MVK: variants seen among roughly 807,000 people sequenced by gnomAD.
MVK encodes LH receptor mRNA-binding protein.
A neutral mutation model predicts 43.2 loss-of-function variants in MVK; 34 were observed. That is an observed-to-expected ratio of 0.79 (90% confidence interval 0.60 to 1.05). The LOEUF (loss-of-function observed/expected upper bound fraction) is 1.05, where lower values mean the gene tolerates loss of function less well. MVK is among the 50% of genes least tolerant of loss of function. The probability of loss-of-function intolerance (pLI) is 0.00; values close to 1 mark genes in which losing one functional copy is unlikely to be tolerated. For synonymous variants in MVK, 190 were observed against 219.8 expected, an observed-to-expected ratio of 0.86 and a Z score of 1.20; for missense variants, 395 against 504.0, an observed-to-expected ratio of 0.78 and a Z score of 2.07.
chr12:109,576,304 A>T (rs564516469), intron 3 of MVK, among the ~76,000 whole-genome samples, 159 bp downstream of exon 3: 24 of 152,266 alleles, frequency 1.6e-4, no homozygotes, highest in African/African-American at 5.3e-4. Flanking sequence ...TTATTTTTTT[A>T]AAATTTATAG....
intron 9 of MVK, among the ~76,000 whole-genome samples, chr12:109,593,148 CA>C (rs1885754675): frequency 6.6e-6 from 1 of 152,238 alleles, no homozygotes; most frequent in African/African-American, 2.4e-5. Context: ...CCTGCCTCGG[CA>C]ACGTGACACC....
At chr12:109,584,746 G>A (rs536932695) in intron 5 of MVK, among the ~76,000 whole-genome samples, 10 of 152,106 alleles carry the variant, frequency 6.6e-5, no homozygotes, top group Non-Finnish European at 1.3e-4. Flanking sequence ...TTAGCCAGGC[G>A]TGGTGGCAGG....
intron 10 of MVK, 48 bp from the exon 11 acceptor site, chr12:109,596,378 C>T (rs1388003341): frequency 6.3e-7 from 1 of 1,594,124 alleles, no homozygotes; most frequent in Non-Finnish European, 8.5e-7. Flanking sequence ...TGAGCTTCTC[C>T]CACGGAGCGG....
intron 3 of MVK, among the ~76,000 whole-genome samples, chr12:109,577,449 C>T (rs866228264): frequency 3.3e-5 from 5 of 152,264 alleles, no homozygotes; most frequent in Middle Eastern, 3.4e-3. Context: ...TCCCATATGC[C>T]GTATGGGGAT....
intron 5 of MVK, among the ~76,000 whole-genome samples, chr12:109,582,058 G>A (rs1348094808): frequency 2.0e-5 from 3 of 152,200 alleles, no homozygotes; most frequent in Admixed American, 6.5e-5. Flanking sequence ...CTCCTCCTAC[G>A]GGGCCGTCTC....
chr12:109,587,463 C>T (rs1055263386), intron 7 of MVK, among the ~76,000 whole-genome samples: 52 of 152,310 alleles, frequency 3.4e-4, no homozygotes, highest in African/African-American at 1.2e-3. Flanking sequence ...TTTGCACCCA[C>T]GGCAGAATTG....
At chr12:109,579,314 A>G (rs1221143807) in intron 3 of MVK, 1 of 373,584 alleles carries the variant, frequency 2.7e-6, no homozygotes, top group Admixed American at 3.4e-5. Context: ...TAGTTTTTGT[A>G]CTTTCTGTAG....
chr12:109,590,984 G>A, intron 8 of MVK, 123 bp downstream of exon 8: 1 of 1,112,338 alleles, frequency 9.0e-7, no homozygotes, highest in East Asian at 2.6e-5. Flanking sequence ...GGGGCCCTTA[G>A]GGAGGTGGTT....
chr12:109,586,892 C>G, intron 7 of MVK, 93 bp downstream of exon 7: 2 of 1,489,508 alleles, frequency 1.3e-6, no homozygotes, highest in Non-Finnish European at 1.9e-6. Flanking sequence ...CCATAGGAGG[C>G]AGGTGTCCCT....
At chr12:109,587,431 G>T (rs1885486744) in intron 7 of MVK, among the ~76,000 whole-genome samples, 1 of 152,124 alleles carries the variant, frequency 6.6e-6, no homozygotes, top group African/African-American at 2.4e-5. Flanking sequence ...TTCTGTTTGC[G>T]ATTTCAGCAT....
chr12:109,589,540 T>C (rs983499795), intron 7 of MVK: 1 of 151,434 alleles, frequency 6.6e-6, no homozygotes, highest in African/African-American at 2.4e-5. Context: ...TGGCTTGTCT[T>C]AGAAGGGAAG....
chr12:109,586,916 C>G, intron 7 of MVK, 117 bp downstream of exon 7: 1 of 1,229,428 alleles, frequency 8.1e-7, no homozygotes, highest in Non-Finnish European at 1.2e-6. Context: ...TCTTCATCCC[C>G]CAATGTGGCC....
intron 9 of MVK, 28 bp from the exon 10 acceptor site, chr12:109,595,000 T>G: frequency 2.5e-6 from 4 of 1,613,914 alleles, no homozygotes; most frequent in Non-Finnish European, 3.4e-6. Flanking sequence ...GCAGGCCAAG[T>G]GGGAACAGAT....
chr12:109,581,624 C>G, intron 5 of MVK, 74 bp downstream of exon 5: 1 of 1,599,478 alleles, frequency 6.3e-7, no homozygotes, highest in Non-Finnish European at 8.6e-7. Flanking sequence ...TCACTGAGAC[C>G]TCACCACCTC....
At position 109,590,878 on chromosome 12, in the gene MVK, T is replaced by G. The variant is rs1325750402; in HGVS notation, c.768+17T>G. The stretch of plus-strand genomic sequence containing the variant: ...CTGCTCAAGGTGACTCTTGTTCCCT[T>G]CTTGGGCAGGTTTCAGGAAGGCCAG... On this transcript the variant is annotated intron_variant, in intron 8 of 10. Coordinates refer to ENST00000228510, the MANE Select transcript of MVK (RefSeq NM_000431.4). The G allele has an allele frequency of 6.2e-7, 1 of 1,612,852 alleles. No homozygotes were observed. The highest frequency in any genetic ancestry group is 1.7e-5 in the Admixed American group (1 of 59,996).
At chr12:109,596,332 A>G in intron 10 of MVK, 94 bp from the exon 11 acceptor site, 1 of 1,528,450 alleles carries the variant, frequency 6.5e-7, no homozygotes, top group East Asian at 2.4e-5. Flanking sequence ...CCAGGAAGGC[A>G]CAGCAGGAAG....
intron 3 of MVK, among the ~76,000 whole-genome samples, chr12:109,578,640 A>G (rs995780759): frequency 5.3e-5 from 8 of 152,180 alleles, no homozygotes; most frequent in African/African-American, 1.9e-4. Flanking sequence ...CAGCTGTTCC[A>G]TCTCGATTAC....
intron 3 of MVK, among the ~76,000 whole-genome samples, chr12:109,578,475 G>A (rs558303508): frequency 9.9e-5 from 15 of 152,246 alleles, no homozygotes; most frequent in African/African-American, 2.2e-4. Context: ...CTTAGAATTC[G>A]CCAGCATTCC....
chr12:109,573,530 C>G, upstream of MVK: 1 of 1,561,320 alleles, frequency 6.4e-7, no homozygotes. Context: ...CCGTCCAGTC[C>G]GCGGGGTGAC....
Sources: allele counts gnomAD v4.1 joint callset (sites outside exome capture counted in the v4.1 genomes callset), GRCh38; gene constraint gnomAD v4.1.1; transcripts MANE v1.5; gene names NCBI Gene and HGNC (gene_info 2026-07-23, HGNC 2026-07-21).